NELL1: variants seen among roughly 807,000 people sequenced by gnomAD.
NELL1 encodes protein kinase C-binding protein NELL1.
Under a neutral mutation model 107.4 loss-of-function variants are expected in NELL1, and 76 were observed. The ratio of observed to expected loss-of-function variants is 0.71; its 90% CI spans 0.59 to 0.86. NELL1 has a LOEUF of 0.86. Ranked by LOEUF, NELL1 falls within the 40% of genes least tolerant of loss-of-function variation. The probability of loss-of-function intolerance (pLI) is 0.00; values close to 1 mark genes in which losing one functional copy is unlikely to be tolerated. For missense variants in NELL1, 1,024 were observed against 1,005.5 expected, an observed-to-expected ratio of 1.02 and a Z score of -0.25; for synonymous variants, 353 against 341.2, an observed-to-expected ratio of 1.03 and a Z score of -0.38.
In NELL1 at chr11:21,451,953, A is replaced by G. The variant is rs1853598702; in HGVS notation, c.1645+81005A>G. Among the ~76,000 whole-genome samples, 3 of 152,258 alleles carry G rather than the reference A, an allele frequency of 2.0e-5. No homozygotes were observed. The South Asian group carries it at 6.2e-4, about 32-fold the overall frequency. On this transcript the variant is annotated intron_variant, in intron 15 of 19. Coordinates refer to ENST00000357134, the MANE Select transcript of NELL1 (RefSeq NM_006157.5). ...AAATTGGAATGGCTTTGTGGTGTGTATGTGTGTTTAAGAAATAAGGCAACA... is the reference window on the plus strand; with the variant it reads ...AAATTGGAATGGCTTTGTGGTGTGTGTGTGTGTTTAAGAAATAAGGCAACA...
intron 3 of NELL1, among the ~76,000 whole-genome samples, chr11:20,805,550 C>T (rs867548162): frequency 3.3e-5 from 5 of 152,092 alleles, no homozygotes; most frequent in South Asian, 2.1e-4. Context: ...GATGGAGTCT[C>T]GCTCTATTAC....
At chr11:21,154,798 T>C (rs1856195800) in intron 13 of NELL1, among the ~76,000 whole-genome samples, 1 of 152,104 alleles carries the variant, frequency 6.6e-6, no homozygotes, top group Admixed American at 6.6e-5. Context: ...TGTGGGCCTT[T>C]AAAAATTAAT....
At chr11:21,176,142 T>G (rs578091756) in intron 13 of NELL1, among the ~76,000 whole-genome samples, 1 of 151,978 alleles carries the variant, frequency 6.6e-6, no homozygotes, top group Admixed American at 6.5e-5. Flanking sequence ...AATAAGCTAA[T>G]GCATATAAAA....
At chr11:20,943,987 G>A (rs1401691680) in intron 10 of NELL1, among the ~76,000 whole-genome samples, 1 of 152,190 alleles carries the variant, frequency 6.6e-6, no homozygotes, top group Non-Finnish European at 1.5e-5. Context: ...TGTCAGCAGA[G>A]AGTGAGGGTA....
intron 2 of NELL1, among the ~76,000 whole-genome samples, chr11:20,719,431 C>T (rs1715268): frequency 2.9e-3 from 71 of 24,386 alleles, no homozygotes; most frequent in African/African-American, 5.8e-3. Context: ...CACACACACA[C>T]ACACACACAC....
chr11:20,849,475 G>A (rs1490980398), intron 4 of NELL1, among the ~76,000 whole-genome samples: 1 of 152,158 alleles, frequency 6.6e-6, no homozygotes, highest in African/African-American at 2.4e-5. Context: ...TGTCCTTCAT[G>A]GAAACCATGA....
At chr11:21,431,790 C>CTT (rs796091844) in intron 15 of NELL1, among the ~76,000 whole-genome samples, 8 of 152,022 alleles carry the variant, frequency 5.3e-5, no homozygotes, top group African/African-American at 1.9e-4. Context: ...TGCTTCTACG[C>CTT]TTTTTTTTAT....
At chr11:20,708,495 A>G (rs933826636) in intron 2 of NELL1, among the ~76,000 whole-genome samples, 1 of 151,608 alleles carries the variant, frequency 6.6e-6, no homozygotes, top group East Asian at 1.9e-4. Flanking sequence ...TTTTTTTTTA[A>G]TGTTTTTTGG....
rs559655572 is a variant in NELL1 at position 20,904,836 on chromosome 11, T to A, written c.604-13346T>A. ...TAAGTTTTTTTTTCTTTCTTTCTTTTTTCTTCTTTTGAGACAGGGTCTCAT... is the reference window on the plus strand; with the variant it reads ...TAAGTTTTTTTTTCTTTCTTTCTTTATTCTTCTTTTGAGACAGGGTCTCAT... On this transcript the variant is annotated intron_variant, in intron 5 of 19. Coordinates refer to ENST00000357134, the MANE Select transcript of NELL1 (RefSeq NM_006157.5). Among the ~76,000 whole-genome samples the A allele has an allele frequency of 2.0e-5, 3 of 151,944 alleles. No individual in the cohort carries two copies. The South Asian group carries it at 6.2e-4, about 32-fold the overall frequency.
intron 17 of NELL1, among the ~76,000 whole-genome samples, chr11:21,569,813 T>A (rs909646784): frequency 2.0e-5 from 3 of 151,740 alleles, no homozygotes; most frequent in Non-Finnish European, 2.9e-5. Flanking sequence ...ACTTCAGCAG[T>A]TGAATATGAC....
In NELL1 at chr11:20,755,865, G is replaced by GTTTTT. The variant is rs574606148; in HGVS notation, c.185-27776_185-27772dup. Among the ~76,000 whole-genome samples, 326 of 122,024 alleles carry GTTTTT rather than the reference G, an allele frequency of 2.7e-3. 7 individuals are homozygous for GTTTTT. Among genetic ancestry groups the GTTTTT allele is most frequent in the Non-Finnish European group, 3.8e-3 (227 of 59,418 alleles). The allele number at this position is 122,024 out of a possible 152,430, so 80.1% of individuals were successfully genotyped here. ...GCCACCACGCCCAGCCAGACCTGCG[G>GTTTTT]TTTTTTTTTTTTTTTTTTTTTTTTT... On this transcript the variant is annotated intron_variant, in intron 2 of 19. Coordinates refer to ENST00000357134, the MANE Select transcript of NELL1 (RefSeq NM_006157.5).
chr11:20,951,809 G>A (rs1175499813), intron 11 of NELL1, among the ~76,000 whole-genome samples: 1 of 152,056 alleles, frequency 6.6e-6, no homozygotes, highest in East Asian at 1.9e-4. Flanking sequence ...CACCACTGCA[G>A]CTTTTCTCTG....
At chr11:21,362,755 G>A (rs1212068815) in intron 14 of NELL1, among the ~76,000 whole-genome samples, 1 of 151,092 alleles carries the variant, frequency 6.6e-6, no homozygotes, top group African/African-American at 2.4e-5. Flanking sequence ...CCAAGAGATT[G>A]TCTTTTGTGT....
chr11:21,495,763 A>G (rs1252253080), intron 15 of NELL1, among the ~76,000 whole-genome samples: 1 of 152,084 alleles, frequency 6.6e-6, no homozygotes, highest in Non-Finnish European at 1.5e-5. Flanking sequence ...TGACTAATTA[A>G]GTTGAATATC....
At chr11:21,167,609 T>C (rs117997224) in intron 13 of NELL1, among the ~76,000 whole-genome samples, 3 of 152,028 alleles carry the variant, frequency 2.0e-5, no homozygotes, top group Non-Finnish European at 2.9e-5. Context: ...GAATACCTTA[T>C]TATAGTTGCA....
intron 12 of NELL1, among the ~76,000 whole-genome samples, chr11:21,087,340 C>T (rs1020684744): frequency 2.0e-5 from 3 of 151,532 alleles, no homozygotes; most frequent in East Asian, 1.9e-4. Context: ...TTGTTTGAGT[C>T]GCCTTAGGTT....
rs551824981 is a variant in NELL1 at position 21,366,097 on chromosome 11, C to T, written c.1550-4756C>T. ...GGGCGTTTGATAAATATGCTCTGAACAAGGTGAGGAATGAAACCAAAAAGC... is the reference window on the plus strand; with the variant it reads ...GGGCGTTTGATAAATATGCTCTGAATAAGGTGAGGAATGAAACCAAAAAGC... On this transcript the variant is annotated intron_variant, in intron 14 of 19. Transcript: ENST00000357134. Among the ~76,000 whole-genome samples the T allele has an allele frequency of 2.0e-5, 3 of 152,086 alleles. No individual in the cohort carries two copies. The South Asian group carries it at 6.2e-4, about 32-fold the overall frequency.
chr11:21,237,535 A>T (rs1285463252), intron 14 of NELL1, among the ~76,000 whole-genome samples: 2 of 151,932 alleles, frequency 1.3e-5, no homozygotes, highest in African/African-American at 2.4e-5. Context: ...ATCATTAAAT[A>T]TTTTTTACTT....
At chr11:20,990,408 A>T (rs79855385) in intron 12 of NELL1, among the ~76,000 whole-genome samples, 2,586 of 152,298 alleles carry the variant, frequency 0.017, 66 homozygotes, top group African/African-American at 0.058. Flanking sequence ...TACCTTTCAC[A>T]GTGCCCACTT....
Sources: allele counts gnomAD v4.1 joint callset (sites outside exome capture counted in the v4.1 genomes callset), GRCh38; gene constraint gnomAD v4.1.1; transcripts MANE v1.5; gene names NCBI Gene and HGNC (gene_info 2026-07-23, HGNC 2026-07-21).